Variants in ATP9B observed in about 807,000 individuals in gnomAD.
ATP9B encodes probable phospholipid-transporting ATPase IIB.
Under a neutral mutation model 146.1 loss-of-function variants are expected in ATP9B, and 110 were observed. That is an observed-to-expected ratio of 0.75 (90% CI 0.65 to 0.88). ATP9B has a LOEUF of 0.88. Ranked by LOEUF, ATP9B falls within the 40% of genes least tolerant of loss-of-function variation. The probability of loss-of-function intolerance (pLI) is 0.00; values close to 1 mark genes in which losing one functional copy is unlikely to be tolerated. For synonymous variants in ATP9B, 604 were observed against 569.7 expected (o/e 1.06, Z -0.86); for missense variants, 1,499 against 1,496.4 (o/e 1.00, Z -0.03).
At chr18:79,180,066 A>G (rs1023085772) in intron 8 of ATP9B, among the ~76,000 whole-genome samples, 3 of 152,130 alleles carry the variant, frequency 2.0e-5, no homozygotes, top group African/African-American at 7.2e-5. Flanking sequence ...GTTCTTTACT[A>G]TTATAGTAAT....
intron 4 of ATP9B, 63 bp from the exon 5 acceptor site, chr18:79,126,201 TAAC>T (rs2094283385): frequency 1.5e-6 from 2 of 1,358,680 alleles, no homozygotes; most frequent in Admixed American, 2.0e-5. Context: ...TTAAACCAAG[TAAC>T]AAATAATTTT....
intron 4 of ATP9B, chr18:79,117,953 A>G (rs1568212338): frequency 6.6e-6 from 1 of 152,238 alleles, no homozygotes; most frequent in Admixed American, 6.5e-5. Context: ...TATAAAGGTT[A>G]TCTTAATCTG....
chr18:79,075,756 G>A (rs1245579489), intron 1 of ATP9B, among the ~76,000 whole-genome samples: 1 of 151,932 alleles, frequency 6.6e-6, no homozygotes, highest in Non-Finnish European at 1.5e-5. Context: ...GCCATTGTCT[G>A]TCTTTGGATT....
At chr18:79,371,043 A>T (rs1427619634) in intron 26 of ATP9B, among the ~76,000 whole-genome samples, 1 of 152,234 alleles carries the variant, frequency 6.6e-6, no homozygotes, top group Non-Finnish European at 1.5e-5. Flanking sequence ...TGGAGTATAT[A>T]AATGGTTTAA....
intron 12 of ATP9B, among the ~76,000 whole-genome samples, chr18:79,272,436 C>T (rs1438848263): frequency 2.6e-5 from 4 of 151,992 alleles, no homozygotes; most frequent in Non-Finnish European, 5.9e-5. Flanking sequence ...TGCACGGATA[C>T]GCTCCTGTCC....
chr18:79,172,279 G>A (rs1186579756), intron 7 of ATP9B, among the ~76,000 whole-genome samples: 1 of 22,326 alleles, frequency 4.5e-5, no homozygotes, highest in Non-Finnish European at 8.8e-5. Context: ...CCGCCCTTGC[G>A]ATCCGCCTTG....
intron 15 of ATP9B, among the ~76,000 whole-genome samples, chr18:79,308,696 T>A: frequency 7.3e-6 from 1 of 136,292 alleles, no homozygotes; most frequent in Non-Finnish European, 1.6e-5. Context: ...CCCCAGCAGG[T>A]AGAAGGTCAG....
At chr18:79,213,648 C>T (rs1473851840) in intron 10 of ATP9B, among the ~76,000 whole-genome samples, 1 of 152,024 alleles carries the variant, frequency 6.6e-6, no homozygotes, top group Non-Finnish European at 1.5e-5. Flanking sequence ...GTGATAGAAC[C>T]ACCATTTTAG....
At chr18:79,227,208 A>G (rs946154360) in intron 11 of ATP9B, among the ~76,000 whole-genome samples, 1 of 151,966 alleles carries the variant, frequency 6.6e-6, no homozygotes, top group African/African-American at 2.4e-5. Context: ...CCACAGACAG[A>G]TGTTCCAGAC....
chr18:79,272,177 C>A (rs1257423783), intron 12 of ATP9B, among the ~76,000 whole-genome samples: 1 of 152,168 alleles, frequency 6.6e-6, no homozygotes, highest in African/African-American at 2.4e-5. Context: ...TTCTCCCATT[C>A]TGTAGGTTTC....
chr18:79,377,239 G>A lies in ATP9B; in HGVS notation c.3308-8G>A. On this transcript the variant is annotated splice_polypyrimidine_tract_variant and splice_region_variant and intron_variant, in intron 29 of 29. Transcript: ENST00000426216. ...GCTCTTACCTTTTTCTCTGTTTCCT[G>A]CCAACAGATGTTGCCTTTATCACCA... 1.9e-6 allele frequency: 3 copies of A among 1,610,856 alleles called. No homozygotes were observed. Among genetic ancestry groups the A allele is most frequent in the Middle Eastern group, 1.6e-4 (1 of 6,062 alleles).
chr18:79,342,209 C>T lies in ATP9B; in HGVS notation c.2284-59C>T, dbSNP rs112943863. On this transcript the variant is annotated intron_variant, in intron 19 of 29. Coordinates refer to ENST00000426216, the MANE Select transcript of ATP9B (RefSeq NM_198531.5). ...TTTGGCTGTTGTGAATTATGTGAGA[C>T]ATCAGAAATGAACGTGTCCTTGTCT... 1,839 of 1,321,552 alleles carry T rather than the reference C, an allele frequency of 1.4e-3. 11 individuals carry two copies. In the African/African-American group the frequency reaches 0.022, roughly 16 times the overall value. The allele number at this position is 1,321,552 out of a possible 1,614,324, so 81.9% of individuals were successfully genotyped here. A position where few individuals can be genotyped will look rare whatever the true frequency, so the allele number is the denominator to read the frequency against.
At chr18:79,202,320 T>C (rs777945213) in intron 9 of ATP9B, among the ~76,000 whole-genome samples, 1 of 152,352 alleles carries the variant, frequency 6.6e-6, no homozygotes, top group South Asian at 2.1e-4. Context: ...GAGTTGTAAA[T>C]TGTAGCCAGT....
chr18:79,327,251 G>A lies in ATP9B; in HGVS notation c.1774-1890G>A, dbSNP rs146437055. On this transcript the variant is annotated intron_variant, in intron 15 of 29. Transcript: ENST00000426216. ...GGAGGTTAAAACTGAAGGCAAGGACGTGCTCATCGGAAGAGGTGGGTGAGA... is the reference window on the plus strand; with the variant it reads ...GGAGGTTAAAACTGAAGGCAAGGACATGCTCATCGGAAGAGGTGGGTGAGA... 1.7e-3 allele frequency among the ~76,000 whole-genome samples: 259 copies of A among 152,354 alleles called. 2 individuals carry two copies. Among genetic ancestry groups the A allele is most frequent in the African/African-American group, 5.9e-3 (245 of 41,584 alleles).
At chr18:79,159,486 G>A (rs963144380) in intron 7 of ATP9B, among the ~76,000 whole-genome samples, 2 of 152,084 alleles carry the variant, frequency 1.3e-5, no homozygotes, top group African/African-American at 2.4e-5. Flanking sequence ...GTAACCCACA[G>A]TGTTCCCGTT....
At chr18:79,109,931 A>G (rs889492630) in intron 2 of ATP9B, among the ~76,000 whole-genome samples, 2 of 152,202 alleles carry the variant, frequency 1.3e-5, no homozygotes, top group African/African-American at 4.8e-5. Context: ...AAGAGTGGAA[A>G]AAGTGATTAT....
chr18:79,109,221 T>G (rs572723829), intron 2 of ATP9B, among the ~76,000 whole-genome samples: 1 of 152,214 alleles, frequency 6.6e-6, no homozygotes, highest in Non-Finnish European at 1.5e-5. Context: ...TTCTGAGTCT[T>G]TCTCTACATT....
At chr18:79,120,432 CTTAA>C (rs1464642341) in intron 4 of ATP9B, among the ~76,000 whole-genome samples, 3 of 152,136 alleles carry the variant, frequency 2.0e-5, no homozygotes, top group African/African-American at 4.8e-5. Flanking sequence ...ACAATGATAG[CTTAA>C]TTAATAATAT....
chr18:79,149,118 A>G (rs1284479795), intron 6 of ATP9B, among the ~76,000 whole-genome samples: 21 of 152,216 alleles, frequency 1.4e-4, no homozygotes. Flanking sequence ...TACCATTCCT[A>G]TCAAAGTCTC....
Sources: allele counts gnomAD v4.1 joint callset (sites outside exome capture counted in the v4.1 genomes callset), GRCh38; gene constraint gnomAD v4.1.1; transcripts MANE v1.5; gene names NCBI Gene and HGNC (gene_info 2026-07-23, HGNC 2026-07-21).